Variants in CDK5RAP2 observed in about 807,000 individuals in gnomAD.
CDK5RAP2 encodes the protein CDK5 regulatory subunit associated protein 2, also known as CDK5 regulatory subunit-associated protein 2.
A neutral mutation model predicts 232.9 loss-of-function variants in CDK5RAP2; 147 were observed. The observed-to-expected ratio is 0.63, with a 90% confidence interval of 0.55 to 0.72. The LOEUF (loss-of-function observed/expected upper bound fraction) is 0.72. Among genes scored for constraint, CDK5RAP2 ranks in the 30% least tolerant of loss-of-function variants. The pLI is 0.00. For synonymous variants in CDK5RAP2, 833 were observed against 833.7 expected, an observed-to-expected ratio of 1.00 and a Z score of 0.01; for missense variants, 2,195 against 2,231.5, an observed-to-expected ratio of 0.98 and a Z score of 0.33.
At chr9:120,555,245 C>T (rs766999980) in intron 3 of CDK5RAP2, among the ~76,000 whole-genome samples, 5 of 152,188 alleles carry the variant, frequency 3.3e-5, no homozygotes, top group Non-Finnish European at 7.4e-5. Flanking sequence ...GATTCTCTTG[C>T]TTCAGCCTCC....
At chr9:120,448,625 T>C (rs1359667693) in intron 21 of CDK5RAP2, among the ~76,000 whole-genome samples, 1 of 151,948 alleles carries the variant, frequency 6.6e-6, no homozygotes, top group Non-Finnish European at 1.5e-5. Flanking sequence ...CACTACAGAG[T>C]CAACTGAAAA....
In CDK5RAP2 at chr9:120,452,519, C is replaced by T. The variant is rs186634026; in HGVS notation, c.2793+937G>A. ...AGAATATCAACAGCCTTCACTGAAC[C>T]ACTATTAGAAACACGACCTATTTCC... On this transcript the variant is annotated intron_variant, in intron 21 of 37. Coordinates refer to ENST00000349780, the MANE Select transcript of CDK5RAP2 (RefSeq NM_018249.6). Among the ~76,000 whole-genome samples the T allele has an allele frequency of 1.7e-3, 257 of 151,894 alleles. 1 individual carries two copies. The highest frequency in any genetic ancestry group is 5.7e-3 in the African/African-American group (235 of 41,378).
At chr9:120,474,644 CG>C (rs1564270904) in intron 15 of CDK5RAP2, among the ~76,000 whole-genome samples, 1 of 152,172 alleles carries the variant, frequency 6.6e-6, no homozygotes, top group Non-Finnish European at 1.5e-5. Context: ...TGCGGAACAC[CG>C]GGTGTCTTAG....
chr9:120,555,226 G>A lies in CDK5RAP2; in HGVS notation c.196-4324C>T, dbSNP rs868737352. Among the ~76,000 whole-genome samples the A allele has an allele frequency of 5.9e-5, 9 of 152,022 alleles. No homozygotes were observed. In the South Asian group the frequency reaches 6.2e-4, roughly 11 times the overall value. On this transcript the variant is annotated intron_variant, in intron 3 of 37. Transcript: ENST00000349780. Reference sequence around the variant, plus strand: ...GGCTCACTGCAACTTCTGTCTCCCCGGTTCAAGTGATTCTCTTGCTTCAGC... The same window carrying A: ...GGCTCACTGCAACTTCTGTCTCCCCAGTTCAAGTGATTCTCTTGCTTCAGC...
chr9:120,443,638 G>A lies in CDK5RAP2; in HGVS notation c.3130C>T (p.Gln1044Ter). The A allele has an allele frequency of 6.2e-7, 1 of 1,614,118 alleles. No individual in the cohort carries two copies. Among genetic ancestry groups the A allele is most frequent in the Non-Finnish European group, 8.5e-7 (1 of 1,180,012 alleles). The change falls in exon 23 of 38, where the codon CAA becomes TAA. Residue 1044 changes from glutamine (Q) to a stop codon, truncating the protein, a stop_gained. Coordinates refer to ENST00000349780, the MANE Select transcript of CDK5RAP2 (RefSeq NM_018249.6). LOFTEE classifies it high-confidence loss of function. ...WRDKEMDSDQ[Q>*]RSYEIDSEIC... ...TTCTGACCAATCTCGTAGCTTCTTT[G>A]CTGATCACTGTCCATTTCCTTGTCT...
chr9:120,465,583 A>G (rs988028648), intron 18 of CDK5RAP2, among the ~76,000 whole-genome samples: 2 of 152,214 alleles, frequency 1.3e-5, no homozygotes, highest in South Asian at 4.1e-4. Flanking sequence ...TCTTTTACAC[A>G]TTAAAAGTTG....
intron 14 of CDK5RAP2, 119 bp downstream of exon 14, chr9:120,487,175 G>T: frequency 9.3e-7 from 1 of 1,069,834 alleles, no homozygotes. Context: ...ACCTGTTGTA[G>T]GCTCAGTTAC....
At chr9:120,414,710 G>A (rs540820512) in intron 28 of CDK5RAP2, among the ~76,000 whole-genome samples, 1 of 152,338 alleles carries the variant, frequency 6.6e-6, no homozygotes, top group South Asian at 2.1e-4. Context: ...GGAGCTAACT[G>A]TGTTTATGCA....
intron 7 of CDK5RAP2, 100 bp downstream of exon 7, chr9:120,536,272 T>C (rs1326946046): frequency 1.4e-5 from 18 of 1,320,562 alleles, no homozygotes; most frequent in East Asian, 4.6e-5. Context: ...ATGGGAAACA[T>C]GGGGAGAAGG....
chr9:120,393,455 G>A (rs575182628), intron 36 of CDK5RAP2, among the ~76,000 whole-genome samples: 3 of 152,336 alleles, frequency 2.0e-5, no homozygotes, highest in East Asian at 1.9e-4. Flanking sequence ...AATAATCTCT[G>A]TCCTGTGCTT....
intron 6 of CDK5RAP2, 40 bp downstream of exon 6, chr9:120,539,001 A>G: frequency 6.2e-7 from 1 of 1,608,010 alleles, no homozygotes; most frequent in South Asian, 1.1e-5. Flanking sequence ...TTATTAACCC[A>G]CTATAAGAAA....
chr9:120,396,843 TA>T (rs1164416708), intron 35 of CDK5RAP2, among the ~76,000 whole-genome samples: 3 of 152,262 alleles, frequency 2.0e-5, no homozygotes, highest in Admixed American at 6.5e-5. Flanking sequence ...ATCTTCATTT[TA>T]TAGGATGAAT....
chr9:120,519,373 C>T (rs1394544713), intron 11 of CDK5RAP2, among the ~76,000 whole-genome samples: 1 of 151,650 alleles, frequency 6.6e-6, no homozygotes, highest in Non-Finnish European at 1.5e-5. Flanking sequence ...AAATGAAGAC[C>T]TTCATTTGAA....
At chr9:120,540,948 A>G (rs1347438024) in intron 5 of CDK5RAP2, among the ~76,000 whole-genome samples, 2 of 152,186 alleles carry the variant, frequency 1.3e-5, no homozygotes, top group African/African-American at 4.8e-5. Context: ...TTTCCTGATT[A>G]ATACCATTGA....
chr9:120,508,435 G>GA (rs1364358269), intron 12 of CDK5RAP2, among the ~76,000 whole-genome samples: 2 of 152,044 alleles, frequency 1.3e-5, no homozygotes, highest in African/African-American at 4.8e-5. Flanking sequence ...TATGCTGGGG[G>GA]AAAAAAACTT....
In CDK5RAP2 at chr9:120,452,291, A is replaced by G. The variant is rs535722302; in HGVS notation, c.2793+1165T>C. On this transcript the variant is annotated intron_variant, in intron 21 of 37. Transcript: ENST00000349780. ...CTCTCTGGTCTCTACTGATATCTTT[A>G]GAAAACTCTTTTCTAGAAATTACAG... 9.9e-5 allele frequency among the ~76,000 whole-genome samples: 15 copies of G among 151,116 alleles called. 1 individual carries two copies. In the South Asian group the frequency reaches 3.1e-3, roughly 31 times the overall value.
intron 5 of CDK5RAP2, 24 bp downstream of exon 5, chr9:120,545,690 C>A: frequency 6.3e-7 from 1 of 1,595,154 alleles, no homozygotes; most frequent in Non-Finnish European, 8.6e-7. Context: ...GACTTGCAAG[C>A]TTTCAACGGA....
intron 3 of CDK5RAP2, among the ~76,000 whole-genome samples, chr9:120,556,628 C>A (rs111360932): frequency 6.6e-6 from 1 of 151,986 alleles, no homozygotes; most frequent in East Asian, 1.9e-4. Flanking sequence ...GGGGTTTCAC[C>A]ATGTTGGCCA....
intron 17 of CDK5RAP2, 88 bp from the exon 18 acceptor site, chr9:120,468,085 G>T: frequency 7.5e-7 from 1 of 1,326,414 alleles, no homozygotes; most frequent in Non-Finnish European, 1.1e-6. Context: ...CCTATCAAGC[G>T]ACTCTTTGGC....
Sources: gnomAD v4.1 joint callset for allele counts (sites outside exome capture counted in the v4.1 genomes callset) on GRCh38, gnomAD v4.1.1 for gene constraint, MANE v1.5 for transcripts, NCBI Gene and HGNC (gene_info 2026-07-23, HGNC 2026-07-21) for gene names.